Variants in ZNF83 observed in about 807,000 individuals in gnomAD.
The protein encoded by ZNF83 is zinc finger protein 816B.
For synonymous variants in ZNF83, 209 were observed against 213.0 expected (o/e 0.98, Z 0.17); for missense variants, 552 against 629.9 (o/e 0.88, Z 1.32).
At chr19:52,614,559 A>G in exon 3 of ZNF83, 2 of 1,583,940 alleles carry the variant, frequency 1.3e-6, no homozygotes, top group Non-Finnish European at 1.7e-6. Flanking sequence ...CCTTTCTCCC[A>G]TGCATGTCTC....
chr19:52,650,261 CTTTT>C (rs1015695493), intron 3 of ZNF83, among the ~76,000 whole-genome samples: 2 of 39,628 alleles, frequency 5.0e-5, no homozygotes, highest in Admixed American at 3.5e-4. Flanking sequence ...ACTTTTCTTT[CTTTT>C]TTTTTTTTGA....
intron 1 of ZNF83, among the ~76,000 whole-genome samples, chr19:52,687,532 A>T (rs11673567): frequency 5.1e-5 from 1 of 19,694 alleles, no homozygotes; most frequent in Non-Finnish European, 1.1e-4. Context: ...TTATATATAA[A>T]TTATATATAT....
exon 3 of ZNF83, chr19:52,612,427 T>C (rs1402056161): frequency 6.6e-6 from 1 of 152,414 alleles, no homozygotes; most frequent in African/African-American, 2.4e-5. Flanking sequence ...AAATCATGAA[T>C]ATTACACTGA....
intron 2 of ZNF83, among the ~76,000 whole-genome samples, chr19:52,630,018 C>G (rs2060893984): frequency 6.6e-6 from 1 of 152,180 alleles, no homozygotes; most frequent in Non-Finnish European, 1.5e-5. Context: ...AGGCATTCCT[C>G]CAGAACCTCC....
At chr19:52,614,603 G>A (rs1190386794) in exon 3 of ZNF83, 30 of 1,528,988 alleles carry the variant, frequency 2.0e-5, no homozygotes, top group African/African-American at 4.1e-5. Context: ...TAGGTCACAC[G>A]CACTCGCTTA....
intron 2 of ZNF83, among the ~76,000 whole-genome samples, chr19:52,625,571 A>T (rs1184863546): frequency 2.0e-5 from 3 of 152,134 alleles, no homozygotes; most frequent in African/African-American, 7.2e-5. Flanking sequence ...TACATATATC[A>T]CAGAAACAAT....
At chr19:52,650,253 TTTTC>T (rs869182139) in intron 3 of ZNF83, among the ~76,000 whole-genome samples, 3 of 99,052 alleles carry the variant, frequency 3.0e-5, no homozygotes, top group South Asian at 2.8e-4. Context: ...AGCTTGTTAC[TTTTC>T]TTTCTTTTTT....
chr19:52,613,256 C>T, exon 3 of ZNF83: 1 of 1,613,964 alleles, frequency 6.2e-7, no homozygotes, highest in Non-Finnish European at 8.5e-7. Flanking sequence ...AGACCGAAGA[C>T]CTTCCCACAT....
Position 52,687,602 on chromosome 19 carries a change from T to A in ZNF83, c.-283+2841A>T, listed in dbSNP as rs1568588891. Among the ~76,000 whole-genome samples the A allele has an allele frequency of 1.2e-3, 47 of 38,900 alleles. 14 individuals carry two copies. The highest frequency in any genetic ancestry group is 6.5e-3 in the African/African-American group (16 of 2,474). The allele number at this position is 38,900 out of a possible 152,430, so 25.5% of individuals were successfully genotyped here. On this transcript the variant is annotated intron_variant, in intron 1 of 5. Coordinates refer to the ZNF83 transcript ENST00000594682. ...TTTATATATATATATATATAATGTA[T>A]ATATATATAATGTGTATATATATAT... is the stretch of plus-strand genomic sequence containing the variant.
intron 1 of ZNF83, among the ~76,000 whole-genome samples, chr19:52,682,161 C>G (rs376050684): frequency 4.6e-5 from 7 of 151,888 alleles, no homozygotes; most frequent in African/African-American, 1.7e-4. Context: ...TTACTATTAA[C>G]TCATTATTGT....
intron 1 of ZNF83, among the ~76,000 whole-genome samples, chr19:52,687,244 C>T (rs1433337231): frequency 1.4e-5 from 2 of 146,202 alleles, no homozygotes; most frequent in Non-Finnish European, 3.0e-5. Context: ...AATCCCAGTA[C>T]TTTGGGAGGT....
Position 52,614,208 on chromosome 19 carries a change from C to T in ZNF83, c.357G>A (p.Thr119=), listed in dbSNP as rs77404321. The change falls in exon 3 of 3, where the codon ACG becomes ACA. Residue 119 remains threonine, a synonymous_variant. Coordinates refer to ENST00000301096, the Ensembl canonical transcript of ZNF83. ...TGCCACATATATCACATTTAAATTGCGTCTCTTTAGTATGGATTATTTGAT... is the reference window on the plus strand; with the variant it reads ...TGCCACATATATCACATTTAAATTGTGTCTCTTTAGTATGGATTATTTGAT... 1.8e-3 allele frequency: 2,969 copies of T among 1,613,958 alleles called. 62 individuals carry two copies. In the East Asian group the frequency reaches 0.054, roughly 30 times the overall value.
At chr19:52,649,119 G>A (rs948260513) in intron 3 of ZNF83, among the ~76,000 whole-genome samples, 2 of 152,032 alleles carry the variant, frequency 1.3e-5, no homozygotes, top group African/African-American at 4.8e-5. Context: ...TTCAGCACTC[G>A]AGGCTGACAC....
intron 1 of ZNF83, among the ~76,000 whole-genome samples, chr19:52,671,223 C>T (rs1215388406): frequency 6.6e-6 from 1 of 152,136 alleles, no homozygotes; most frequent in Non-Finnish European, 1.5e-5. Context: ...CCCCTAGACT[C>T]TTTACATAGG....
chr19:52,681,113 C>A (rs2061909957), intron 1 of ZNF83, among the ~76,000 whole-genome samples: 1 of 151,358 alleles, frequency 6.6e-6, no homozygotes, highest in Admixed American at 6.6e-5. Context: ...GGTAAAACCT[C>A]TTCTCTACTA....
chr19:52,685,160 C>A (rs189051546), intron 1 of ZNF83, among the ~76,000 whole-genome samples: 66 of 152,310 alleles, frequency 4.3e-4, no homozygotes, highest in African/African-American at 1.5e-3. Flanking sequence ...CACCCAGACA[C>A]CCACTCTATT....
chr19:52,622,950 C>T (rs1317514259), intron 2 of ZNF83, among the ~76,000 whole-genome samples: 2 of 152,246 alleles, frequency 1.3e-5, no homozygotes, highest in African/African-American at 4.8e-5. Flanking sequence ...AGCTCCAGCA[C>T]ACAAGAACTT....
chr19:52,618,885 G>A (rs35821944), intron 2 of ZNF83: 97,947 of 1,317,578 alleles, frequency 0.074, 9,693 homozygotes, highest in African/African-American at 0.11. Flanking sequence ...AAGAGAAAAT[G>A]CAAAGATACA....
intron 3 of ZNF83, among the ~76,000 whole-genome samples, chr19:52,643,737 G>A (rs1421706614): frequency 1.3e-5 from 2 of 150,666 alleles, no homozygotes; most frequent in Admixed American, 6.6e-5. Flanking sequence ...AGTAACGTGA[G>A]AGACTGACAG....
Sources: gnomAD v4.1 joint callset for allele counts (sites outside exome capture counted in the v4.1 genomes callset) on GRCh38, gnomAD v4.1.1 for gene constraint, MANE v1.5 for transcripts, NCBI Gene and HGNC (gene_info 2026-07-23, HGNC 2026-07-21) for gene names.